The following CASZ1 variants were observed in gnomAD, a reference collection of about 807,000 sequenced individuals.
CASZ1 encodes zinc finger protein castor homolog 1.
A neutral mutation model predicts 135.2 loss-of-function variants in CASZ1; 28 were observed. The ratio of observed to expected loss-of-function variants is 0.21; its 90% CI spans 0.15 to 0.28. The LOEUF (loss-of-function observed/expected upper bound fraction) is 0.28. Among genes scored for constraint, CASZ1 ranks in the 10% least tolerant of loss-of-function variants. CASZ1 has a pLI of 1.00. For missense variants in CASZ1, 2,161 were observed against 2,453.3 expected, an observed-to-expected ratio of 0.88 and a Z score of 2.52; for synonymous variants, 1,068 against 1,073.4, an observed-to-expected ratio of 0.99 and a Z score of 0.10.
rs1392317804 is a variant in CASZ1, at chr1:10,757,597, G to C, written c.-77+3104C>G. On this transcript the variant is annotated intron_variant, in intron 2 of 20. Transcript: ENST00000377022. The surrounding 1 kb of genome is among the most constrained non-coding windows in gnomAD (Gnocchi z 4.6). ...GAGGTTAGGAGTTTGAGACCAGCCT[G>C]GCCAACATGGTGAAACCCCGTCTCT... Among the ~76,000 whole-genome samples, 1 of 152,170 alleles carries C rather than the reference G, an allele frequency of 6.6e-6. No homozygotes were observed. The highest frequency in any genetic ancestry group is 6.5e-5 in the Admixed American group (1 of 15,286).
chr1:10,671,129 C>T (rs1191194868), intron 4 of CASZ1, among the ~76,000 whole-genome samples: 7 of 152,216 alleles, frequency 4.6e-5, no homozygotes, highest in Admixed American at 6.5e-5. Context: ...GCTATCCAGA[C>T]GCGTCTAAGT....
intron 3 of CASZ1, among the ~76,000 whole-genome samples, chr1:10,696,393 C>A (rs539453757): frequency 1.3e-5 from 2 of 152,242 alleles, no homozygotes; most frequent in Admixed American, 1.3e-4. Flanking sequence ...AATAAGGGAA[C>A]AGAACTACCC....
In CASZ1 at chr1:10,725,069, C is replaced by A. The variant is rs892182573; in HGVS notation, c.-76-19525G>T. ...GACGGAGGGAAGCAGCCCTCGCAGA[C>A]GTGCAGGTGGCTGTTCTTCCCTGGA... On this transcript the variant is annotated intron_variant, in intron 2 of 20. Transcript: ENST00000377022. This position sits in a 1 kb window ranked among gnomAD's most constrained non-coding sequence, Gnocchi z 4.4. Among the ~76,000 whole-genome samples, 4 of 152,240 alleles carry A rather than the reference C, an allele frequency of 2.6e-5. No individual in the cohort carries two copies. Among genetic ancestry groups the A allele is most frequent in the African/African-American group, 4.8e-5 (2 of 41,468 alleles).
intron 2 of CASZ1, among the ~76,000 whole-genome samples, chr1:10,738,087 T>G (rs1570541768): frequency 1.4e-4 from 20 of 143,816 alleles, no homozygotes; most frequent in African/African-American, 2.6e-4. Flanking sequence ...TTGGCAAGGG[T>G]GGGGGTGGGG....
chr1:10,653,631 C>A lies in CASZ1; in HGVS notation c.2426G>T (p.Gly809Val), dbSNP rs561593799. ...GGTGCCCACAGGCAGGGAGGTGCTCCCACGGCCAGCCAGTATGGGGAAGTA... is the reference window on the plus strand; with the variant it reads ...GGTGCCCACAGGCAGGGAGGTGCTCACACGGCCAGCCAGTATGGGGAAGTA... ...TPYFPILAGRGSTSLPVGTPS... is the reference protein window; with the variant it reads ...TPYFPILAGRVSTSLPVGTPS... The change falls in exon 11 of 21, where the codon GGG (glycine) becomes GTG (valine). Residue 809 changes from glycine (G) to valine (V), a missense_variant. By Grantham distance (109) the Gly-to-Val change is moderately radical. Transcript: ENST00000377022. The A allele has an allele frequency of 1.9e-6, 3 of 1,549,204 alleles. No individual in the cohort carries two copies. The highest frequency in any genetic ancestry group is 2.5e-5 in the South Asian group (2 of 80,260).
chr1:10,639,153 T>A lies in CASZ1; in HGVS notation c.5069A>T (p.Glu1690Val). 1 of 1,084,924 alleles carries A rather than the reference T, an allele frequency of 9.2e-7. No homozygotes were observed. 67.2% of individuals were successfully genotyped at this position (1,084,924 alleles called of 1,614,324 possible). ...GTCGTCGTCCTCGTCCTCGTCGTCT[T>A]CGGCCTCCTCCTCCGGCAGCTCCAG... ...EELELPEEEA[E>V]DDEDEDDDED... is the part of the protein sequence containing the mutation. Residue 1690 changes from glutamate (E) to valine (V), a missense_variant, in exon 21 of 21, where the codon GAA (glutamate) becomes GTA (valine). Glu to Val is a moderately radical substitution (Grantham distance 121). Coordinates refer to ENST00000377022, the MANE Select transcript of CASZ1 (RefSeq NM_001079843.3). The surrounding 1 kb of genome is among the most constrained non-coding windows in gnomAD (Gnocchi z 4.0).
chr1:10,784,347 C>T (rs1039446207), intron 1 of CASZ1, among the ~76,000 whole-genome samples: 50 of 152,316 alleles, frequency 3.3e-4, no homozygotes, highest in Non-Finnish European at 7.3e-5. Flanking sequence ...AACAGAACTT[C>T]CTGCGATGAT....
chr1:10,645,662 C>A (rs575512560), intron 17 of CASZ1, among the ~76,000 whole-genome samples: 1 of 152,342 alleles, frequency 6.6e-6, no homozygotes, highest in East Asian at 1.9e-4. Flanking sequence ...TATGTCTAGA[C>A]CTGGGCAGAC....
At chr1:10,779,383 C>T (rs1640721674) in intron 1 of CASZ1, among the ~76,000 whole-genome samples, 1 of 151,570 alleles carries the variant, frequency 6.6e-6, no homozygotes, top group African/African-American at 2.4e-5. Context: ...ACCGATACGC[C>T]TCAGCTTCTC....
At chr1:10,752,142 G>A (rs1302906972) in intron 2 of CASZ1, among the ~76,000 whole-genome samples, 1 of 152,192 alleles carries the variant, frequency 6.6e-6, no homozygotes, top group African/African-American at 2.4e-5. Flanking sequence ...GGCAGCAGAC[G>A]GGGATTCTTG....
At chr1:10,642,701 C>T (rs929233158) in intron 20 of CASZ1, among the ~76,000 whole-genome samples, 158 bp downstream of exon 20, 7 of 152,334 alleles carry the variant, frequency 4.6e-5, no homozygotes, top group Admixed American at 3.9e-4. Flanking sequence ...GGAGGGGCCT[C>T]GATGACCCAG....
rs192764864 is a variant in CASZ1, at chr1:10,707,154, G to A, written c.-76-1610C>T. ...ACTCCTGTCTGAGATCTCTCAAGGT[G>A]CCCTGGCCAGCCTCCTGTGGACCCC... On this transcript the variant is annotated intron_variant, in intron 2 of 20. Transcript: ENST00000377022. The surrounding 1 kb of genome is among the most constrained non-coding windows in gnomAD (Gnocchi z 5.0). Among the ~76,000 whole-genome samples, 19 of 152,112 alleles carry A rather than the reference G, an allele frequency of 1.2e-4. No individual in the cohort carries two copies. The East Asian group carries it at 3.7e-3, about 30-fold the overall frequency.
rs1638878952 is a variant in CASZ1 at position 10,694,639 on chromosome 1, C to T, written c.-23-727G>A. Among the ~76,000 whole-genome samples the T allele has an allele frequency of 7.0e-6, 1 of 143,864 alleles. No homozygotes were observed. The highest frequency in any genetic ancestry group is 2.1e-4 in the South Asian group (1 of 4,748). The allele number at this position is 143,864 out of a possible 152,430, so 94.4% of individuals were successfully genotyped here. On this transcript the variant is annotated intron_variant, in intron 3 of 20. Coordinates refer to ENST00000377022, the MANE Select transcript of CASZ1 (RefSeq NM_001079843.3). The surrounding 1 kb of genome is among the most constrained non-coding windows in gnomAD (Gnocchi z 6.6). ...GCCGCCGCCCGGTGCGCCCGCCCGC[C>T]GCCCGCCGCCCGGTGCCGGAGTGAA...
In CASZ1 at chr1:10,762,806, G is replaced by T. The variant is rs1008870040; in HGVS notation, c.-233-1949C>A. Among the ~76,000 whole-genome samples, 21 of 152,128 alleles carry T rather than the reference G, an allele frequency of 1.4e-4. No individual in the cohort carries two copies. The highest frequency in any genetic ancestry group is 4.8e-4 in the African/African-American group (20 of 41,422). ...AGGCAAGGCGCTGGCAAGACCAGGG[G>T]CTGACCACAGGCCAACGGTGAACAC... is the stretch of plus-strand genomic sequence containing the variant. On this transcript the variant is annotated intron_variant, in intron 1 of 20. Transcript: ENST00000377022. This position sits in a 1 kb window ranked among gnomAD's most constrained non-coding sequence, Gnocchi z 4.1.
At chr1:10,728,975 C>G (rs866582094) in intron 2 of CASZ1, among the ~76,000 whole-genome samples, 9 of 152,192 alleles carry the variant, frequency 5.9e-5, no homozygotes, top group South Asian at 2.1e-4. Flanking sequence ...GCCTTCCCCC[C>G]CCACTCTCCG....
chr1:10,741,262 C>T lies in CASZ1; in HGVS notation c.-77+19439G>A, dbSNP rs1352915473. On this transcript the variant is annotated intron_variant, in intron 2 of 20. Coordinates refer to ENST00000377022, the MANE Select transcript of CASZ1 (RefSeq NM_001079843.3). This position sits in a 1 kb window ranked among gnomAD's most constrained non-coding sequence, Gnocchi z 5.0. ...CTTCCCAAAGTGTTGGGATTACAGG[C>T]GTGAGCCACTGCGCCTGGCTCTATA... 1.3e-5 allele frequency among the ~76,000 whole-genome samples: 2 copies of T among 152,308 alleles called. No homozygotes were observed. The highest frequency in any genetic ancestry group is 2.1e-4 in the South Asian group (1 of 4,830).
chr1:10,645,639 A>G (rs1183631283), intron 17 of CASZ1, among the ~76,000 whole-genome samples: 3 of 152,172 alleles, frequency 2.0e-5, no homozygotes, highest in Non-Finnish European at 4.4e-5. Context: ...ATCTATTTTA[A>G]CACTCTTCCC....
intron 4 of CASZ1, among the ~76,000 whole-genome samples, chr1:10,668,146 G>A (rs1025887696): frequency 2.0e-5 from 3 of 152,156 alleles, no homozygotes; most frequent in East Asian, 1.9e-4. Flanking sequence ...AAGTGCGAGC[G>A]CGTGTGAGGC....
chr1:10,716,945 G>T (rs1042276052), intron 2 of CASZ1, among the ~76,000 whole-genome samples: 6 of 152,144 alleles, frequency 3.9e-5, no homozygotes, highest in African/African-American at 1.4e-4. Context: ...TCTCTTTTAC[G>T]TTCGGTCAAA....
Sources: allele counts gnomAD v4.1 joint callset (sites outside exome capture counted in the v4.1 genomes callset), GRCh38; gene constraint gnomAD v4.1.1; non-coding constraint Gnocchi (gnomAD v3.1); transcripts MANE v1.5; gene names NCBI Gene and HGNC (gene_info 2026-07-23, HGNC 2026-07-21).